The following GPC5 variants were observed in gnomAD, a reference collection of about 807,000 sequenced individuals.
The protein encoded by GPC5 is glypican 5.
GPC5 carries 47 observed loss-of-function variants against 53.9 expected under a neutral mutation model. The ratio of observed to expected loss-of-function variants is 0.87; its 90% CI spans 0.69 to 1.11. The LOEUF is 1.11. Among genes scored for constraint, GPC5 ranks in the 50% most tolerant of loss-of-function variants. The pLI is 0.00. For missense variants in GPC5, 748 were observed against 713.1 expected (o/e 1.05, Z -0.56); for synonymous variants, 286 against 263.3 (o/e 1.09, Z -0.84).
intron 6 of GPC5, among the ~76,000 whole-genome samples, chr13:92,053,031 T>C (rs2041043684): frequency 6.6e-6 from 1 of 152,194 alleles, no homozygotes; most frequent in Non-Finnish European, 1.5e-5. Flanking sequence ...ATTATGATGA[T>C]CTTGGACTGG....
chr13:91,722,295 A>G (rs1457166999), intron 3 of GPC5, among the ~76,000 whole-genome samples: 1 of 152,202 alleles, frequency 6.6e-6, no homozygotes. Flanking sequence ...TTATTTAACG[A>G]CATTGGCCCT....
At chr13:91,554,337 A>T (rs2030819278) in intron 2 of GPC5, among the ~76,000 whole-genome samples, 1 of 151,858 alleles carries the variant, frequency 6.6e-6, no homozygotes, top group Non-Finnish European at 1.5e-5. Context: ...GTGGACACAT[A>T]CATGTATACA....
At chr13:92,537,582 A>G (rs1289939003) in intron 7 of GPC5, among the ~76,000 whole-genome samples, 1 of 152,064 alleles carries the variant, frequency 6.6e-6, no homozygotes, top group African/African-American at 2.4e-5. Flanking sequence ...CATCTCCCTG[A>G]TTGCCTAATA....
chr13:91,649,380 G>A (rs2034640073), intron 2 of GPC5, among the ~76,000 whole-genome samples: 1 of 152,064 alleles, frequency 6.6e-6, no homozygotes, highest in African/African-American at 2.4e-5. Context: ...CTTTAAAATG[G>A]AGTAATAACA....
chr13:91,668,890 C>T (rs2035179826), intron 2 of GPC5, among the ~76,000 whole-genome samples: 1 of 152,118 alleles, frequency 6.6e-6, no homozygotes, highest in African/African-American at 2.4e-5. Flanking sequence ...CATTTTCTAA[C>T]AAGGAGAATT....
At chr13:91,452,525 A>G (rs779634169) in intron 2 of GPC5, among the ~76,000 whole-genome samples, 67 of 152,168 alleles carry the variant, frequency 4.4e-4, no homozygotes, top group Admixed American at 7.9e-4. Flanking sequence ...AGAACAGCCC[A>G]GGATAATACA....
At chr13:92,237,154 C>A in intron 7 of GPC5, among the ~76,000 whole-genome samples, 1 of 152,102 alleles carries the variant, frequency 6.6e-6, no homozygotes, top group Admixed American at 6.6e-5. Context: ...ATCACTTTAG[C>A]TTTTGCTTTA....
chr13:91,511,653 A>G (rs1390652928), intron 2 of GPC5, among the ~76,000 whole-genome samples: 1 of 151,720 alleles, frequency 6.6e-6, no homozygotes, highest in Non-Finnish European at 1.5e-5. Context: ...TATCAAGACT[A>G]TTGTATGAAT....
intron 2 of GPC5, among the ~76,000 whole-genome samples, chr13:91,664,195 CAT>C (rs2035051249): frequency 1.3e-5 from 2 of 152,266 alleles, no homozygotes; most frequent in South Asian, 4.1e-4. Context: ...CTTTTTATAA[CAT>C]ATGGTGACAT....
intron 7 of GPC5, among the ~76,000 whole-genome samples, chr13:92,607,374 G>A (rs1884290876): frequency 6.6e-6 from 1 of 152,004 alleles, no homozygotes; most frequent in African/African-American, 2.4e-5. Flanking sequence ...TACGATGGCT[G>A]GCATTAGAGA....
chr13:92,517,313 CT>C (rs927607435), intron 7 of GPC5, among the ~76,000 whole-genome samples: 172 of 152,302 alleles, frequency 1.1e-3, no homozygotes, highest in African/African-American at 4.0e-3. Context: ...TTAAATGTCC[CT>C]GTCTGACAGC....
chr13:92,605,383 C>T (rs1214791808), intron 7 of GPC5, among the ~76,000 whole-genome samples: 1 of 152,156 alleles, frequency 6.6e-6, no homozygotes, highest in Non-Finnish European at 1.5e-5. Flanking sequence ...AGCCCTCATC[C>T]TGGATTTTAT....
At chr13:91,505,827 T>G (rs1014093545) in intron 2 of GPC5, among the ~76,000 whole-genome samples, 5 of 152,202 alleles carry the variant, frequency 3.3e-5, no homozygotes, top group African/African-American at 1.2e-4. Flanking sequence ...AACTCCTTTT[T>G]TATAAAGGAG....
chr13:92,130,986 CTCTT>C (rs2138961619), intron 6 of GPC5, among the ~76,000 whole-genome samples: 1 of 151,822 alleles, frequency 6.6e-6, no homozygotes, highest in African/African-American at 2.4e-5. Context: ...TAATAAAGAA[CTCTT>C]AAAAATCAAT....
intron 7 of GPC5, among the ~76,000 whole-genome samples, chr13:92,727,273 CTA>C (rs1246545160): frequency 1.3e-5 from 2 of 151,422 alleles, no homozygotes; most frequent in African/African-American, 2.4e-5. Context: ...TGTGTAAACA[CTA>C]TTATGAAATT....
chr13:92,604,067 A>C (rs1473114436), intron 7 of GPC5, among the ~76,000 whole-genome samples: 1 of 152,234 alleles, frequency 6.6e-6, no homozygotes, highest in Non-Finnish European at 1.5e-5. Flanking sequence ...TCTCTACCTC[A>C]TGTAAGATAC....
intron 5 of GPC5, among the ~76,000 whole-genome samples, chr13:91,905,433 C>G (rs978830699): frequency 3.3e-5 from 5 of 151,978 alleles, no homozygotes; most frequent in African/African-American, 1.2e-4. Flanking sequence ...ATACTTAACT[C>G]TAAACTCCCT....
chr13:91,514,595 TA>T (rs915378225), intron 2 of GPC5, among the ~76,000 whole-genome samples: 5 of 152,102 alleles, frequency 3.3e-5, no homozygotes, highest in East Asian at 3.9e-4. Flanking sequence ...TCAACAATTA[TA>T]AAAAAAATCC....
intron 5 of GPC5, among the ~76,000 whole-genome samples, chr13:91,899,066 G>T (rs1245154243): frequency 1.3e-5 from 2 of 152,072 alleles, no homozygotes; most frequent in Non-Finnish European, 2.9e-5. Flanking sequence ...CTTTGTTTCT[G>T]TGTGAGTCTC....
Sources: allele counts gnomAD v4.1 joint callset (sites outside exome capture counted in the v4.1 genomes callset), GRCh38; gene constraint gnomAD v4.1.1; transcripts MANE v1.5; gene names NCBI Gene and HGNC (gene_info 2026-07-23, HGNC 2026-07-21).